The following DCAF5 variants were observed in gnomAD, a reference collection of about 807,000 sequenced individuals.
The protein encoded by DCAF5 is DDB1- and CUL4-associated factor 5.
DCAF5 carries 9 observed loss-of-function variants against 80.7 expected under a neutral mutation model. The ratio of observed to expected loss-of-function variants is 0.11; its 90% confidence interval spans 0.07 to 0.19. The LOEUF (loss-of-function observed/expected upper bound fraction) is 0.19, where lower values mean the gene tolerates loss of function less well. Ranked by LOEUF, DCAF5 falls within the 10% of genes least tolerant of loss-of-function variation. The probability of loss-of-function intolerance (pLI) is 1.00; values close to 1 mark genes in which losing one functional copy is unlikely to be tolerated. For missense variants in DCAF5, 842 were observed against 1,205.7 expected (o/e 0.70, Z 4.47); for synonymous variants, 433 against 461.9 (o/e 0.94, Z 0.80).
intron 1 of DCAF5, among the ~76,000 whole-genome samples, chr14:69,131,474 G>GT (rs2041037683): frequency 6.6e-6 from 1 of 152,100 alleles, no homozygotes; most frequent in Non-Finnish European, 1.5e-5. Flanking sequence ...AAATAAGTCT[G>GT]TTTTGTTATT....
chr14:69,091,282 C>T lies in DCAF5; in HGVS notation c.879+392G>A, dbSNP rs1040544402. 5 of 627,802 alleles carry T rather than the reference C, an allele frequency of 8.0e-6. No individual in the cohort carries two copies. The Admixed American group carries it at 1.1e-4, about 14-fold the overall frequency. The allele number at this position is 627,802 out of a possible 1,614,324, so 38.9% of individuals were successfully genotyped here. On this transcript the variant is annotated intron_variant, in intron 6 of 8. Transcript: ENST00000341516. ...CAAGATACATGTCTCTTGGATGGTACTTAGGGTGTTTCATTCATCATTGTG... is the reference window on the plus strand; with the variant it reads ...CAAGATACATGTCTCTTGGATGGTATTTAGGGTGTTTCATTCATCATTGTG...
chr14:69,087,828 AAGGAAC>A (rs2139954415), intron 6 of DCAF5, among the ~76,000 whole-genome samples: 1 of 152,348 alleles, frequency 6.6e-6, no homozygotes, highest in Non-Finnish European at 1.5e-5. Context: ...AAGCAGGAAA[AAGGAAC>A]TTGTCTCCAT....
At chr14:69,119,130 A>G (rs748628875) in intron 3 of DCAF5, 64 bp downstream of exon 3, 20 of 1,531,456 alleles carry the variant, frequency 1.3e-5, no homozygotes, top group Non-Finnish European at 1.7e-5. Flanking sequence ...GTCTAAAGAG[A>G]TATTTGCCTC....
intron 1 of DCAF5, among the ~76,000 whole-genome samples, chr14:69,124,008 T>C (rs1042462763): frequency 2.0e-5 from 3 of 152,170 alleles, no homozygotes; most frequent in Non-Finnish European, 4.4e-5. Context: ...AAGTAGTCAC[T>C]ATTCTACTTT....
intron 1 of DCAF5, among the ~76,000 whole-genome samples, chr14:69,140,618 C>T (rs1272434762): frequency 6.6e-6 from 1 of 151,956 alleles, no homozygotes; most frequent in Non-Finnish European, 1.5e-5. Context: ...GAACAACAAC[C>T]CATAGGAAGA....
chr14:69,084,791 T>G (rs2139941520), intron 6 of DCAF5: 2 of 1,104,752 alleles, frequency 1.8e-6, no homozygotes, highest in Non-Finnish European at 2.7e-6. Context: ...CTTCCAGTTC[T>G]GCAATGCAGA....
chr14:69,095,231 C>A (rs1039921822), intron 5 of DCAF5, among the ~76,000 whole-genome samples: 1 of 152,144 alleles, frequency 6.6e-6, no homozygotes, highest in Non-Finnish European at 1.5e-5. Flanking sequence ...AATGAAAATG[C>A]CACTGTCTCT....
At chr14:69,056,943 A>G (rs975975513) in intron 8 of DCAF5, among the ~76,000 whole-genome samples, 3 of 152,168 alleles carry the variant, frequency 2.0e-5, no homozygotes, top group Admixed American at 2.0e-4. Context: ...TGTGGCTCAG[A>G]TGTTCTCTCC....
intron 5 of DCAF5, among the ~76,000 whole-genome samples, chr14:69,096,357 T>C (rs979143250): frequency 2.6e-5 from 4 of 152,208 alleles, no homozygotes; most frequent in Admixed American, 6.5e-5. Flanking sequence ...CACATTTATT[T>C]TCCCCAGAAC....
intron 6 of DCAF5, chr14:69,085,504 A>G (rs1217671478): frequency 3.1e-6 from 1 of 323,866 alleles, no homozygotes; most frequent in East Asian, 8.2e-5. Flanking sequence ...CAAGAGTATA[A>G]ATTGAATTCG....
chr14:69,073,316 G>A (rs992906684), intron 7 of DCAF5, among the ~76,000 whole-genome samples: 3 of 152,202 alleles, frequency 2.0e-5, no homozygotes, highest in Non-Finnish European at 2.9e-5. Context: ...AACACAGTGA[G>A]AAGGTGGCCA....
chr14:69,074,222 A>C (rs1343086403), intron 7 of DCAF5, among the ~76,000 whole-genome samples: 1 of 152,234 alleles, frequency 6.6e-6, no homozygotes, highest in Non-Finnish European at 1.5e-5. Flanking sequence ...ATAGTCCTCT[A>C]ATTTTCCTAA....
intron 1 of DCAF5, among the ~76,000 whole-genome samples, chr14:69,140,063 C>G (rs532427945): frequency 6.6e-6 from 1 of 151,870 alleles, no homozygotes; most frequent in Non-Finnish European, 1.5e-5. Flanking sequence ...CTCAGGAGAT[C>G]GAGACTAGCC....
intron 5 of DCAF5, among the ~76,000 whole-genome samples, chr14:69,097,601 T>C (rs2039776017): frequency 6.8e-6 from 1 of 147,754 alleles, no homozygotes; most frequent in Non-Finnish European, 1.5e-5. Flanking sequence ...TTTTTTTTTT[T>C]TTTGAGACAG....
intron 1 of DCAF5, among the ~76,000 whole-genome samples, chr14:69,140,421 A>C (rs1409100520): frequency 1.3e-5 from 2 of 152,212 alleles, no homozygotes; most frequent in Non-Finnish European, 2.9e-5. Context: ...ATCCCAAAAA[A>C]TTAAGCCTAT....
intron 6 of DCAF5, chr14:69,090,788 CAT>C (rs2039505170): frequency 3.7e-6 from 1 of 270,986 alleles, no homozygotes; most frequent in Non-Finnish European, 6.9e-6. Flanking sequence ...CAAAATTTGA[CAT>C]AGTTGACCCA....
At chr14:69,059,412 G>A (rs368034536) in intron 8 of DCAF5, among the ~76,000 whole-genome samples, 11 of 152,146 alleles carry the variant, frequency 7.2e-5, no homozygotes, top group South Asian at 4.1e-4. Context: ...GGTGGCTAAC[G>A]CTCTTTGAGC....
intron 6 of DCAF5, chr14:69,090,062 A>C: frequency 1.0e-6 from 1 of 985,442 alleles, no homozygotes; most frequent in Non-Finnish European, 1.2e-6. Context: ...TCTGGAAATA[A>C]AGCCTAGTAA....
chr14:69,054,070 C>T lies in DCAF5; in HGVS notation c.2616G>A (p.Ser872=), dbSNP rs373148713. ...TGTGTAGGAGTGTCCCTGTCAGGGA[C>T]GAGTTATCACGGTCAGTGTCTGAGT... The part of the protein sequence containing the change: ...PGHSDTDRDN[S]SLTGTLLHKD... The change falls in exon 9 of 9, where the codon TCG becomes TCA. Residue 872 remains serine (S), a synonymous_variant. Transcript: ENST00000341516. 8 of 1,613,978 alleles carry T rather than the reference C, an allele frequency of 5.0e-6. No homozygotes were observed. Among genetic ancestry groups the T allele is most frequent in the African/African-American group, 2.7e-5 (2 of 74,914 alleles).
Sources: allele counts gnomAD v4.1 joint callset (sites outside exome capture counted in the v4.1 genomes callset), GRCh38; gene constraint gnomAD v4.1.1; transcripts MANE v1.5; gene names NCBI Gene and HGNC (gene_info 2026-07-23, HGNC 2026-07-21).